Variants in ERBB4 observed in about 807,000 individuals in gnomAD.
ERBB4 encodes erb-b2 receptor tyrosine kinase 4.
Under a neutral mutation model 158.0 loss-of-function variants are expected in ERBB4, and 42 were observed. The ratio of observed to expected loss-of-function variants is 0.27; its 90% confidence interval spans 0.21 to 0.34. ERBB4 has a LOEUF of 0.34. Ranked by LOEUF, ERBB4 falls within the 10% of genes least tolerant of loss-of-function variation. The pLI, the probability that ERBB4 is intolerant of heterozygous loss-of-function variation, is 1.00. For synonymous variants in ERBB4, 583 were observed against 558.7 expected, an observed-to-expected ratio of 1.04 and a Z score of -0.61; for missense variants, 1,333 against 1,624.1, an observed-to-expected ratio of 0.82 and a Z score of 3.08.
chr2:211,439,269 A>C (rs2063923229), intron 20 of ERBB4, among the ~76,000 whole-genome samples: 2 of 152,228 alleles, frequency 1.3e-5, no homozygotes, highest in African/African-American at 2.4e-5. Context: ...ATAGTGTGCC[A>C]GTTACTGATG....
intron 2 of ERBB4, among the ~76,000 whole-genome samples, chr2:211,995,169 T>C (rs939451219): frequency 3.9e-5 from 6 of 152,228 alleles, no homozygotes; most frequent in Admixed American, 2.0e-4. Context: ...CAGAACAAAA[T>C]ATTTTGTAAC....
At chr2:211,518,132 C>T (rs147441910) in intron 20 of ERBB4, among the ~76,000 whole-genome samples, 6 of 152,020 alleles carry the variant, frequency 3.9e-5, no homozygotes, top group East Asian at 3.9e-4. Context: ...GGACTAAGGA[C>T]GTGAGGTCTG....
intron 25 of ERBB4, among the ~76,000 whole-genome samples, chr2:211,410,698 A>T (rs1015975255): frequency 6.6e-6 from 1 of 152,194 alleles, no homozygotes; most frequent in Non-Finnish European, 1.5e-5. Context: ...CTTTATTACT[A>T]AAGAAATTGA....
chr2:212,363,021 A>G (rs1474433828), intron 1 of ERBB4, among the ~76,000 whole-genome samples: 1 of 151,454 alleles, frequency 6.6e-6, no homozygotes, highest in African/African-American at 2.4e-5. Flanking sequence ...TACAATATAC[A>G]TTAATTTAAA....
Position 211,747,482 on chromosome 2 carries a change from T to A in ERBB4, c.622+3157A>T, listed in dbSNP as rs147042143. Among the ~76,000 whole-genome samples the A allele has an allele frequency of 2.6e-3, 393 of 152,300 alleles. 1 individual carries two copies. The highest frequency in any genetic ancestry group is 8.9e-3 in the African/African-American group (368 of 41,556). On this transcript the variant is annotated intron_variant, in intron 5 of 27. Transcript: ENST00000342788. Reference sequence around the variant, plus strand: ...ATAAAACAAACATGGCTACTGGGGCTGACCATCTAGAAGGGGGTATTTTTC... The same window carrying A: ...ATAAAACAAACATGGCTACTGGGGCAGACCATCTAGAAGGGGGTATTTTTC...
At chr2:211,764,637 G>T (rs1290701889) in intron 4 of ERBB4, among the ~76,000 whole-genome samples, 1 of 152,100 alleles carries the variant, frequency 6.6e-6, no homozygotes, top group African/African-American at 2.4e-5. Context: ...ATAAGCCTGG[G>T]TCTGGAGCCT....
intron 1 of ERBB4, among the ~76,000 whole-genome samples, chr2:212,331,472 A>T (rs1490244248): frequency 1.3e-5 from 2 of 152,012 alleles, no homozygotes; most frequent in Non-Finnish European, 2.9e-5. Context: ...AAAGCAACGT[A>T]GAGAAATCTA....
chr2:212,319,292 C>T (rs2087448104), intron 1 of ERBB4, among the ~76,000 whole-genome samples: 1 of 138,512 alleles, frequency 7.2e-6, no homozygotes, highest in Middle Eastern at 4.0e-3. Flanking sequence ...CTCCTTCCCG[C>T]AGGAGTCTAA....
chr2:212,087,892 T>C (rs1258521234), intron 2 of ERBB4, among the ~76,000 whole-genome samples: 1 of 146,072 alleles, frequency 6.8e-6, no homozygotes, highest in Non-Finnish European at 1.5e-5. Context: ...TTAGTTCCTT[T>C]TTCTGTTAAA....
At chr2:211,641,954 C>T (rs1286950361) in intron 16 of ERBB4, among the ~76,000 whole-genome samples, 1 of 151,344 alleles carries the variant, frequency 6.6e-6, no homozygotes, top group Non-Finnish European at 1.5e-5. Flanking sequence ...TGTTTTATCA[C>T]TCTAATAACA....
At chr2:212,201,085 AT>A (rs1486172281) in intron 1 of ERBB4, among the ~76,000 whole-genome samples, 1 of 152,114 alleles carries the variant, frequency 6.6e-6, no homozygotes, top group African/African-American at 2.4e-5. Context: ...TTACATTTCT[AT>A]TTTTTTAGAA....
rs532694191 is a variant in ERBB4 at position 212,409,166 on chromosome 2, C to T, written c.82+129283G>A. 1.1e-4 allele frequency among the ~76,000 whole-genome samples: 16 copies of T among 152,094 alleles called. No individual in the cohort carries two copies. In the South Asian group the frequency reaches 2.9e-3, roughly 28 times the overall value. On this transcript the variant is annotated intron_variant, in intron 1 of 27. Coordinates refer to ENST00000342788, the MANE Select transcript of ERBB4 (RefSeq NM_005235.3). ...GAAACAGAAATGAATATAGCTTGGACAGGGAACAGGTTATTTATAAAAAGG... is the reference window on the plus strand; with the variant it reads ...GAAACAGAAATGAATATAGCTTGGATAGGGAACAGGTTATTTATAAAAAGG...
intron 3 of ERBB4, among the ~76,000 whole-genome samples, chr2:211,858,796 T>A (rs1437414040): frequency 1.3e-5 from 2 of 152,184 alleles, no homozygotes; most frequent in South Asian, 2.1e-4. Flanking sequence ...TTATTCATTT[T>A]TTTTGAGATG....
At position 211,562,044 on chromosome 2, in the gene ERBB4, C is replaced by T. The variant is rs2125722233; in HGVS notation, c.2346G>A (p.Arg782=). The change falls in exon 20 of 28, where the codon CGG becomes CGA. Residue 782 remains arginine, a synonymous_variant. Coordinates refer to ENST00000342788, the MANE Select transcript of ERBB4 (RefSeq NM_005235.3). ...TTGGGCTCAGACACACACCCAGCAA[C>T]CGGACTAGGTGTGGATGATCCATAC... is the stretch of plus-strand genomic sequence containing the variant. ...MASMDHPHLV[R]LLGVCLSPTI... 6.2e-7 allele frequency: 1 copy of T among 1,613,978 alleles called. No homozygotes were observed.
chr2:212,197,032 A>G (rs933789907), intron 1 of ERBB4, among the ~76,000 whole-genome samples: 2 of 152,110 alleles, frequency 1.3e-5, no homozygotes, highest in Admixed American at 1.3e-4. Context: ...TTAAATAAAC[A>G]TAGAAATTGA....
At chr2:211,842,785 G>A (rs2077503162) in intron 3 of ERBB4, among the ~76,000 whole-genome samples, 1 of 152,034 alleles carries the variant, frequency 6.6e-6, no homozygotes, top group Non-Finnish European at 1.5e-5. Flanking sequence ...AAATAAATTT[G>A]AATCCTTTCA....
chr2:211,980,296 G>A (rs2081752217), intron 2 of ERBB4, among the ~76,000 whole-genome samples: 1 of 152,126 alleles, frequency 6.6e-6, no homozygotes, highest in African/African-American at 2.4e-5. Flanking sequence ...AAATTGCCAA[G>A]AACTTTTGAG....
intron 1 of ERBB4, among the ~76,000 whole-genome samples, chr2:212,513,099 A>G: frequency 6.6e-6 from 1 of 152,196 alleles, no homozygotes; most frequent in East Asian, 1.9e-4. Context: ...AGTTATACTA[A>G]GTTATTCCAG....
At chr2:211,628,546 C>T (rs1374208454) in intron 17 of ERBB4, among the ~76,000 whole-genome samples, 4 of 152,214 alleles carry the variant, frequency 2.6e-5, no homozygotes, top group Non-Finnish European at 5.9e-5. Context: ...ATATGTGCCA[C>T]ATTTTCCTAA....
Sources: gnomAD v4.1 joint callset for allele counts (sites outside exome capture counted in the v4.1 genomes callset) on GRCh38, gnomAD v4.1.1 for gene constraint, MANE v1.5 for transcripts, NCBI Gene and HGNC (gene_info 2026-07-23, HGNC 2026-07-21) for gene names.